Variants in MYT1L observed in about 807,000 individuals in gnomAD.
The protein encoded by MYT1L is myelin transcription factor 1-like protein.
A neutral mutation model predicts 126.7 loss-of-function variants in MYT1L; 12 were observed. The observed-to-expected ratio is 0.09, with a 90% CI of 0.06 to 0.15. The LOEUF (loss-of-function observed/expected upper bound fraction) is 0.15, where lower values mean the gene tolerates loss of function less well. MYT1L is among the 10% of genes least tolerant of loss of function. MYT1L has a pLI of 1.00. For synonymous variants in MYT1L, 541 were observed against 604.2 expected (o/e 0.90, Z 1.53); for missense variants, 979 against 1,585.2 (o/e 0.62, Z 6.49).
intron 2 of MYT1L, among the ~76,000 whole-genome samples, chr2:2,217,374 C>A (rs2093705851): frequency 6.6e-6 from 1 of 151,964 alleles, no homozygotes; most frequent in Non-Finnish European, 1.5e-5. Flanking sequence ...TAACTTGTGA[C>A]AAATAAATTA....
At chr2:2,194,627 CTG>C (rs2092721858) in intron 2 of MYT1L, among the ~76,000 whole-genome samples, 1 of 152,108 alleles carries the variant, frequency 6.6e-6, no homozygotes, top group African/African-American at 2.4e-5. Flanking sequence ...AGTAGAGTGT[CTG>C]TCACTCCAGG....
intron 14 of MYT1L, among the ~76,000 whole-genome samples, chr2:1,899,968 T>G (rs771098702): frequency 3.5e-4 from 53 of 152,288 alleles, no homozygotes; most frequent in Admixed American, 7.8e-4. Context: ...ACAGCTGGTG[T>G]GATTTAAGAG....
At chr2:2,101,557 C>T (rs2078090787) in intron 3 of MYT1L, among the ~76,000 whole-genome samples, 1 of 152,020 alleles carries the variant, frequency 6.6e-6, no homozygotes, top group South Asian at 2.1e-4. Flanking sequence ...ATCAACCCAT[C>T]CATCCATCAA....
chr2:2,098,252 C>G (rs541617083), intron 3 of MYT1L, among the ~76,000 whole-genome samples: 1 of 152,220 alleles, frequency 6.6e-6, no homozygotes, highest in African/African-American at 2.4e-5. Context: ...TTCCTCATGG[C>G]TTTTATAAGT....
At chr2:2,003,574 C>T (rs1339708956) in intron 4 of MYT1L, among the ~76,000 whole-genome samples, 1 of 152,256 alleles carries the variant, frequency 6.6e-6, no homozygotes, top group Non-Finnish European at 1.5e-5. Context: ...ACAGGGGCTT[C>T]TCTCCTGGGG....
chr2:1,829,741 A>G (rs112109930), intron 21 of MYT1L, among the ~76,000 whole-genome samples: 1 of 120,124 alleles, frequency 8.3e-6, no homozygotes, highest in African/African-American at 4.2e-5. Flanking sequence ...ACCTTCCCAT[A>G]CACCTGTGAA....
intron 1 of MYT1L, among the ~76,000 whole-genome samples, chr2:2,318,050 T>C (rs1353979376): frequency 6.6e-6 from 1 of 152,210 alleles, no homozygotes; most frequent in Non-Finnish European, 1.5e-5. Context: ...AGGCCGTTTT[T>C]GCAATGCTGA....
At chr2:2,034,087 A>G (rs2066730820) in intron 4 of MYT1L, among the ~76,000 whole-genome samples, 1 of 152,176 alleles carries the variant, frequency 6.6e-6, no homozygotes, top group Admixed American at 6.5e-5. Flanking sequence ...TACACAGGTC[A>G]CTTCATTTTT....
At chr2:2,037,174 C>T (rs1338970782) in intron 4 of MYT1L, among the ~76,000 whole-genome samples, 2 of 152,204 alleles carry the variant, frequency 1.3e-5, no homozygotes, top group African/African-American at 4.8e-5. Flanking sequence ...TTGTTCCTCA[C>T]CACACTGTTT....
rs1410853535 is a variant in MYT1L, at chr2:2,059,956, T to TCGTCAGGG, written c.-303-5841_-303-5834dup. The stretch of plus-strand genomic sequence containing the variant: ...GCGGCACCCCAACCCCACCACGAGC[T>TCGTCAGGG]CGTCAGGGCAGGGGACAGAGCCCAT... On this transcript the variant is annotated intron_variant, in intron 3 of 24. Coordinates refer to ENST00000647738, the MANE Select transcript of MYT1L (RefSeq NM_001303052.2). The surrounding 1 kb of genome is among the most constrained non-coding windows in gnomAD (Gnocchi z 4.7). 1.3e-5 allele frequency among the ~76,000 whole-genome samples: 2 copies of TCGTCAGGG among 152,136 alleles called. No individual in the cohort carries two copies. Among genetic ancestry groups the TCGTCAGGG allele is most frequent in the Non-Finnish European group, 1.5e-5 (1 of 68,028 alleles).
intron 1 of MYT1L, chr2:2,325,765 C>A (rs982559007): frequency 2.6e-5 from 4 of 152,276 alleles, no homozygotes; most frequent in African/African-American, 9.6e-5. Context: ...CAACTCCGGG[C>A]AGCATGCAGA....
intron 8 of MYT1L, among the ~76,000 whole-genome samples, chr2:1,944,397 C>T (rs2057000244): frequency 6.6e-6 from 1 of 152,124 alleles, no homozygotes; most frequent in Non-Finnish European, 1.5e-5. Context: ...GACATAGAGG[C>T]AAACTACCGC....
At chr2:2,032,612 C>T (rs1410765546) in intron 4 of MYT1L, among the ~76,000 whole-genome samples, 3 of 146,326 alleles carry the variant, frequency 2.1e-5, no homozygotes, top group Non-Finnish European at 4.5e-5. Flanking sequence ...TACACACACC[C>T]CTCGCAAGTG....
At chr2:2,044,868 G>A (rs866070799) in intron 4 of MYT1L, among the ~76,000 whole-genome samples, 19 of 152,202 alleles carry the variant, frequency 1.2e-4, no homozygotes, top group Non-Finnish European at 2.5e-4. Flanking sequence ...TGCAAGCCCT[G>A]TTATCACTGA....
At chr2:2,296,083 T>C (rs1172455201) in intron 1 of MYT1L, among the ~76,000 whole-genome samples, 1 of 152,108 alleles carries the variant, frequency 6.6e-6, no homozygotes, top group Non-Finnish European at 1.5e-5. Context: ...ATAGAAAATA[T>C]AGACAATTTT....
chr2:2,020,046 T>C lies in MYT1L; in HGVS notation c.-157-22699A>G, dbSNP rs2064875445. On this transcript the variant is annotated intron_variant, in intron 4 of 24. Coordinates refer to ENST00000647738, the MANE Select transcript of MYT1L (RefSeq NM_001303052.2). ...TTTTTGTAGAGACGAGGTTTCACCA[T>C]GTTGTCTAGGCTGCTCTTGAACTCC... is the stretch of plus-strand genomic sequence containing the variant. Among the ~76,000 whole-genome samples, 3 of 152,184 alleles carry C rather than the reference T, an allele frequency of 2.0e-5. No individual in the cohort carries two copies. In the South Asian group the frequency reaches 6.2e-4, roughly 32 times the overall value.
chr2:1,931,007 C>T (rs997065733), intron 9 of MYT1L, among the ~76,000 whole-genome samples: 1 of 152,222 alleles, frequency 6.6e-6, no homozygotes, highest in Non-Finnish European at 1.5e-5. Flanking sequence ...CTGCATTTTG[C>T]CACTGTTTTT....
chr2:1,894,898 C>T (rs1157370796), intron 14 of MYT1L, among the ~76,000 whole-genome samples: 1 of 152,220 alleles, frequency 6.6e-6, no homozygotes, highest in Admixed American at 6.5e-5. Flanking sequence ...TCTAGACTTC[C>T]ACCACCCTGT....
intron 21 of MYT1L, among the ~76,000 whole-genome samples, chr2:1,822,008 G>C (rs1032956249): frequency 3.3e-5 from 5 of 152,138 alleles, no homozygotes; most frequent in Non-Finnish European, 7.3e-5. Flanking sequence ...TCTGTTTTCC[G>C]ACCAACTCTG....
Sources: gnomAD v4.1 joint callset for allele counts (sites outside exome capture counted in the v4.1 genomes callset) on GRCh38, gnomAD v4.1.1 for gene constraint, Gnocchi (gnomAD v3.1) non-coding constraint, MANE v1.5 for transcripts, NCBI Gene and HGNC (gene_info 2026-07-23, HGNC 2026-07-21) for gene names.